Variants in DLG2 observed in about 807,000 individuals in gnomAD.
DLG2 encodes disks large homolog 2.
DLG2 carries 45 observed loss-of-function variants against 132.5 expected under a neutral mutation model. The ratio of observed to expected loss-of-function variants is 0.34; its 90% CI spans 0.27 to 0.44. The LOEUF (loss-of-function observed/expected upper bound fraction) is 0.44. DLG2 is among the 20% of genes least tolerant of loss of function. DLG2 has a pLI of 1.00. For synonymous variants in DLG2, 424 were observed against 419.6 expected, an observed-to-expected ratio of 1.01 and a Z score of -0.13; for missense variants, 1,045 against 1,196.9, an observed-to-expected ratio of 0.87 and a Z score of 1.87.
intron 6 of DLG2, among the ~76,000 whole-genome samples, chr11:84,928,984 A>ATG (rs2047761312): frequency 1.2e-4 from 2 of 16,518 alleles, no homozygotes; most frequent in African/African-American, 3.7e-4. Flanking sequence ...GTGTGTGTGT[A>ATG]TATATATATA....
At chr11:84,683,703 G>A (rs181245082) in intron 6 of DLG2, among the ~76,000 whole-genome samples, 2 of 152,284 alleles carry the variant, frequency 1.3e-5, no homozygotes, top group African/African-American at 2.4e-5. Context: ...ATCTGCAGGT[G>A]CACTGAAAGC....
chr11:83,849,273 C>T (rs2059215541), intron 16 of DLG2, among the ~76,000 whole-genome samples: 1 of 148,860 alleles, frequency 6.7e-6, no homozygotes, highest in Non-Finnish European at 1.5e-5. Flanking sequence ...ATTCCTGGAC[C>T]ATATTAATAA....
intron 16 of DLG2, among the ~76,000 whole-genome samples, chr11:83,854,994 T>A (rs2060304026): frequency 6.6e-6 from 1 of 151,530 alleles, no homozygotes; most frequent in African/African-American, 2.4e-5. Context: ...GACAAACAAC[T>A]CAACTAAAAA....
At chr11:85,047,285 A>G (rs2062438269) in intron 6 of DLG2, among the ~76,000 whole-genome samples, 1 of 151,982 alleles carries the variant, frequency 6.6e-6, no homozygotes, top group African/African-American at 2.4e-5. Flanking sequence ...GCATTTCATT[A>G]GTAGAGTGGG....
intron 19 of DLG2, among the ~76,000 whole-genome samples, chr11:83,621,505 T>C (rs1435022473): frequency 6.6e-6 from 1 of 152,096 alleles, no homozygotes; most frequent in East Asian, 1.9e-4. Flanking sequence ...TAAATAAATG[T>C]GAAATGATGC....
chr11:85,518,734 T>C (rs2094218031), intron 3 of DLG2, among the ~76,000 whole-genome samples: 1 of 151,970 alleles, frequency 6.6e-6, no homozygotes, highest in Non-Finnish European at 1.5e-5. Flanking sequence ...TTAGAGATCT[T>C]CACAGCAGCC....
chr11:85,322,455 G>T (rs1423867998), intron 3 of DLG2, among the ~76,000 whole-genome samples: 2 of 152,088 alleles, frequency 1.3e-5, no homozygotes, highest in East Asian at 3.9e-4. Context: ...CAATGGGAAA[G>T]GTTTGCATTA....
intron 5 of DLG2, among the ~76,000 whole-genome samples, chr11:85,125,804 TATACAC>T (rs1370326979): frequency 3.5e-5 from 3 of 85,174 alleles, no homozygotes; most frequent in Non-Finnish European, 4.4e-5. Context: ...TCCCAGACAT[TATACAC>T]ACACACACAC....
chr11:83,833,534 G>T, intron 17 of DLG2, 80 bp downstream of exon 17: 1 of 1,402,418 alleles, frequency 7.1e-7, no homozygotes, highest in Non-Finnish European at 9.7e-7. Context: ...AGGTGCTTTT[G>T]GTATCATAAT....
chr11:83,746,225 A>G (rs892184613), intron 18 of DLG2, among the ~76,000 whole-genome samples: 5 of 152,312 alleles, frequency 3.3e-5, no homozygotes, highest in African/African-American at 9.6e-5. Flanking sequence ...TCCCATTACT[A>G]GGTATATACC....
chr11:84,059,163 T>C, intron 11 of DLG2, 152 bp downstream of exon 11: 1 of 647,854 alleles, frequency 1.5e-6, no homozygotes, highest in Non-Finnish European at 2.5e-6. Flanking sequence ...ACTGGTTTCC[T>C]TTACCCTTTG....
intron 15 of DLG2, among the ~76,000 whole-genome samples, chr11:83,917,133 A>G (rs930262618): frequency 6.6e-6 from 1 of 152,196 alleles, no homozygotes; most frequent in African/African-American, 2.4e-5. Context: ...CTTCAGAGAA[A>G]GGCAATGACA....
chr11:84,245,462 C>G (rs947325637), intron 8 of DLG2, among the ~76,000 whole-genome samples: 5 of 152,124 alleles, frequency 3.3e-5, no homozygotes, highest in Non-Finnish European at 7.4e-5. Flanking sequence ...CATAACCTAA[C>G]TCTTATTTGT....
chr11:85,473,639 A>T (rs2093053724), intron 3 of DLG2, among the ~76,000 whole-genome samples: 1 of 152,062 alleles, frequency 6.6e-6, no homozygotes, highest in South Asian at 2.1e-4. Context: ...TGAAAATAAA[A>T]TATTATACAA....
At chr11:84,880,257 C>A (rs144862768) in intron 6 of DLG2, among the ~76,000 whole-genome samples, 1 of 152,180 alleles carries the variant, frequency 6.6e-6, no homozygotes, top group African/African-American at 2.4e-5. Flanking sequence ...TGGCTCTCCC[C>A]TGCCTACAAA....
At chr11:85,089,237 G>T (rs941872416) in intron 6 of DLG2, among the ~76,000 whole-genome samples, 3 of 151,992 alleles carry the variant, frequency 2.0e-5, no homozygotes, top group Non-Finnish European at 4.4e-5. Flanking sequence ...CATCCAGGTA[G>T]TGACTGCAGT....
intron 14 of DLG2, among the ~76,000 whole-genome samples, chr11:83,939,944 G>A (rs2082283701): frequency 6.6e-6 from 1 of 152,132 alleles, no homozygotes; most frequent in African/African-American, 2.4e-5. Context: ...GAAGGATAAG[G>A]TGGCTTTAAT....
chr11:84,481,559 G>A (rs1454840709), intron 7 of DLG2, among the ~76,000 whole-genome samples: 1 of 152,110 alleles, frequency 6.6e-6, no homozygotes, highest in Non-Finnish European at 1.5e-5. Context: ...ATTACCCAGT[G>A]GATGGTAGTC....
intron 3 of DLG2, among the ~76,000 whole-genome samples, chr11:85,322,492 G>A (rs1040849743): frequency 2.6e-5 from 4 of 152,076 alleles, no homozygotes; most frequent in Admixed American, 2.0e-4. Flanking sequence ...ATCAACCTCA[G>A]ATTAGTGACT....
Sources: gnomAD v4.1 joint callset for allele counts (sites outside exome capture counted in the v4.1 genomes callset) on GRCh38, gnomAD v4.1.1 for gene constraint, MANE v1.5 for transcripts, NCBI Gene and HGNC (gene_info 2026-07-23, HGNC 2026-07-21) for gene names.